LDHC: variants seen among roughly 807,000 people sequenced by gnomAD.
LDHC encodes the protein L-lactate dehydrogenase C chain.
Under a neutral mutation model 30.2 loss-of-function variants are expected in LDHC, and 20 were observed. That is an observed-to-expected ratio of 0.66 (90% CI 0.47 to 0.96). The LOEUF is 0.96. Among genes scored for constraint, LDHC ranks in the 40% least tolerant of loss-of-function variants. LDHC has a pLI of 0.00. For synonymous variants in LDHC, 139 were observed against 132.7 expected (o/e 1.05, Z -0.32); for missense variants, 362 against 394.9 (o/e 0.92, Z 0.71).
intron 6 of LDHC, among the ~76,000 whole-genome samples, chr11:18,445,983 T>A (rs528505268): frequency 3.4e-4 from 52 of 152,098 alleles, no homozygotes; most frequent in African/African-American, 1.2e-3. Flanking sequence ...TCTCAAAAAA[T>A]AATAATAATA....
Position 18,415,270 on chromosome 11 carries a change from C to T in LDHC, c.213C>T (p.Phe71=). The change falls in exon 3 of 8, where the codon TTC becomes TTT. Residue 71 remains phenylalanine, a synonymous_variant. Transcript: ENST00000541669. ...EMMDLQHGSL[F]FSTSKITSGK... ...TGGATCTTCAGCATGGCAGTCTTTT[C>T]TTTAGTACTTCAAAGATTACTTCTG... 1.3e-6 allele frequency: 2 copies of T among 1,589,246 alleles called. No homozygotes were observed. Among genetic ancestry groups the T allele is most frequent in the Non-Finnish European group, 1.7e-6 (2 of 1,158,578 alleles).
At chr11:18,430,419 AC>A (rs1848245828) in intron 4 of LDHC, among the ~76,000 whole-genome samples, 1 of 151,826 alleles carries the variant, frequency 6.6e-6, no homozygotes, top group East Asian at 1.9e-4. Flanking sequence ...ATCTTGACTC[AC>A]TGTAACCTTT....
intron 3 of LDHC, among the ~76,000 whole-genome samples, chr11:18,422,266 GA>G (rs11313322): frequency 0.62 from 94,580 of 151,850 alleles, 30,601 homozygotes; most frequent in East Asian, 0.89. Flanking sequence ...TTAGTAATCA[GA>G]AATCAAGGCC....
At chr11:18,414,554 G>A (rs916347809) in intron 2 of LDHC, among the ~76,000 whole-genome samples, 3 of 152,166 alleles carry the variant, frequency 2.0e-5, no homozygotes, top group African/African-American at 7.2e-5. Context: ...CTGGCCGGGC[G>A]CAGTGGCTCA....
intron 3 of LDHC, among the ~76,000 whole-genome samples, chr11:18,429,116 C>CTTTTTTTT (rs36038254): frequency 5.3e-5 from 5 of 93,918 alleles, no homozygotes; most frequent in Non-Finnish European, 7.7e-5. Flanking sequence ...TCATTTTGGT[C>CTTTTTTTT]TTTTTTTTTT....
At chr11:18,430,850 A>G (rs990134965) in intron 4 of LDHC, among the ~76,000 whole-genome samples, 3 of 152,142 alleles carry the variant, frequency 2.0e-5, no homozygotes, top group Admixed American at 6.6e-5. Context: ...TATGGTAGGT[A>G]TATGTTTAAC....
intron 3 of LDHC, among the ~76,000 whole-genome samples, chr11:18,416,535 A>T (rs888877490): frequency 6.6e-6 from 1 of 152,232 alleles, no homozygotes; most frequent in African/African-American, 2.4e-5. Context: ...GCTTCTTAGA[A>T]AGAGCCATGA....
chr11:18,436,682 C>T (rs891094832), intron 5 of LDHC, among the ~76,000 whole-genome samples: 2 of 151,814 alleles, frequency 1.3e-5, no homozygotes, highest in Non-Finnish European at 2.9e-5. Context: ...GACAGGGTTT[C>T]TCCATGTTGG....
intron 3 of LDHC, among the ~76,000 whole-genome samples, chr11:18,421,609 G>T (rs1848053390): frequency 6.6e-6 from 1 of 151,966 alleles, no homozygotes; most frequent in Non-Finnish European, 1.5e-5. Flanking sequence ...GGAGACGGAG[G>T]TGGCAGTGAG....
intron 7 of LDHC, among the ~76,000 whole-genome samples, chr11:18,446,679 T>C (rs1276072402): frequency 1.3e-5 from 2 of 152,212 alleles, no homozygotes; most frequent in African/African-American, 2.4e-5. Flanking sequence ...CAGACAATAT[T>C]ATGAGAGCTG....
chr11:18,442,232 T>C (rs2133843348), intron 6 of LDHC, among the ~76,000 whole-genome samples: 1 of 147,618 alleles, frequency 6.8e-6, no homozygotes, highest in East Asian at 1.9e-4. Flanking sequence ...CCTAGTTCTA[T>C]GATAGTTAAT....
intron 4 of LDHC, among the ~76,000 whole-genome samples, chr11:18,434,109 A>G (rs1186037875): frequency 6.6e-6 from 1 of 152,086 alleles, no homozygotes; most frequent in Non-Finnish European, 1.5e-5. Flanking sequence ...GAGACTTTCC[A>G]GAGCATTTCA....
At chr11:18,416,153 A>G (rs897552935) in intron 3 of LDHC, among the ~76,000 whole-genome samples, 4 of 152,216 alleles carry the variant, frequency 2.6e-5, no homozygotes, top group African/African-American at 9.6e-5. Flanking sequence ...TAACTGATGT[A>G]TAAATGCTTT....
intron 3 of LDHC, among the ~76,000 whole-genome samples, chr11:18,423,061 A>G (rs1179883512): frequency 6.6e-6 from 1 of 151,804 alleles, no homozygotes; most frequent in Non-Finnish European, 1.5e-5. Context: ...GCAGTAGCTC[A>G]TGCCTGTAAT....
intron 6 of LDHC, among the ~76,000 whole-genome samples, chr11:18,443,607 A>C (rs182332198): frequency 5.3e-5 from 8 of 152,032 alleles, no homozygotes; most frequent in Admixed American, 2.0e-4. Flanking sequence ...ATACAGGTGC[A>C]TGCCACCATG....
At chr11:18,413,309 C>T (rs1866935440) in intron 2 of LDHC, among the ~76,000 whole-genome samples, 1 of 151,614 alleles carries the variant, frequency 6.6e-6, no homozygotes. Context: ...TTTCGAACTC[C>T]TGACCTCAAG....
At chr11:18,424,109 G>A (rs1848115315) in intron 3 of LDHC, among the ~76,000 whole-genome samples, 1 of 152,224 alleles carries the variant, frequency 6.6e-6, no homozygotes, top group South Asian at 2.1e-4. Context: ...GTTTGGCCGG[G>A]TGCGGTGGCT....
intron 5 of LDHC, among the ~76,000 whole-genome samples, chr11:18,435,564 T>C (rs1848342505): frequency 6.6e-6 from 1 of 152,106 alleles, no homozygotes; most frequent in Non-Finnish European, 1.5e-5. Flanking sequence ...CAGTTGAACC[T>C]CTTTTCTTTG....
intron 7 of LDHC, among the ~76,000 whole-genome samples, chr11:18,447,664 T>C (rs942141549): frequency 6.6e-6 from 1 of 152,210 alleles, no homozygotes; most frequent in Non-Finnish European, 1.5e-5. Flanking sequence ...ACTAGGAGGT[T>C]AGTCCTTACA....
Sources: allele counts gnomAD v4.1 joint callset (sites outside exome capture counted in the v4.1 genomes callset), GRCh38; gene constraint gnomAD v4.1.1; transcripts MANE v1.5; gene names NCBI Gene and HGNC (gene_info 2026-07-23, HGNC 2026-07-21).